ZNF91: variants seen among roughly 807,000 people sequenced by gnomAD.
The protein encoded by ZNF91 is zinc finger protein 91, also known as zinc finger protein 91 (HPF7, HTF10).
In ZNF91, 7 loss-of-function variants were observed where a neutral mutation model predicts 12.6. The ratio of observed to expected loss-of-function variants is 0.55; its 90% confidence interval spans 0.31 to 1.04. The LOEUF is 1.04. Ranked by LOEUF, ZNF91 falls within the 50% of genes least tolerant of loss-of-function variation. The pLI is 0.05. For synonymous variants in ZNF91, 453 were observed against 462.6 expected (o/e 0.98, Z 0.27); for missense variants, 1,217 against 1,385.4 (o/e 0.88, Z 1.93).
chr19:23,323,694 CTTT>C (rs1967769487), intron 1 of ZNF91, among the ~76,000 whole-genome samples: 5 of 124,372 alleles, frequency 4.0e-5, no homozygotes, highest in South Asian at 2.7e-4. Flanking sequence ...ACTTCTCCTT[CTTT>C]ATCCTCTCCT....
chr19:23,394,064 A>C (rs1267063679), intron 1 of ZNF91, among the ~76,000 whole-genome samples: 3 of 152,172 alleles, frequency 2.0e-5, no homozygotes, highest in East Asian at 1.9e-4. Flanking sequence ...ATAGTTGATA[A>C]AGTGAATTAG....
At chr19:23,375,630 C>G (rs980792567) in intron 1 of ZNF91, among the ~76,000 whole-genome samples, 3 of 151,908 alleles carry the variant, frequency 2.0e-5, no homozygotes, top group Non-Finnish European at 4.4e-5. Context: ...GTAAGTGGAA[C>G]AGCCTGTGTT....
rs1222621383 is a variant in ZNF91 at position 23,395,430 on chromosome 19, C to A, written c.-76G>T. 7 of 1,567,946 alleles carry A rather than the reference C, an allele frequency of 4.5e-6. No homozygotes were observed. The South Asian group carries it at 7.9e-5, about 18-fold the overall frequency. On this transcript the variant is annotated 5_prime_UTR_variant, in exon 1 of 4. Coordinates refer to ENST00000300619, the MANE Select transcript of ZNF91 (RefSeq NM_003430.4). ...GCCTCCTGGAGCAGAGGACACAGAG[C>A]AGTGAAGTCGAGACCTGGAAACTCC...
At chr19:23,363,296 CCT>C (rs1456408448) in intron 3 of ZNF91, among the ~76,000 whole-genome samples, 2 of 152,108 alleles carry the variant, frequency 1.3e-5, no homozygotes, top group African/African-American at 2.4e-5. Flanking sequence ...CACTGATTTC[CCT>C]CTCTCATGAC....
intron 1 of ZNF91, among the ~76,000 whole-genome samples, chr19:23,321,403 T>C (rs1967691606): frequency 6.6e-6 from 1 of 152,182 alleles, no homozygotes; most frequent in Non-Finnish European, 1.5e-5. Context: ...ACTTAGGCGA[T>C]GTGACTCTTC....
chr19:23,378,314 G>A (rs932842652), intron 1 of ZNF91, among the ~76,000 whole-genome samples: 1 of 152,110 alleles, frequency 6.6e-6, no homozygotes, highest in African/African-American at 2.4e-5. Context: ...AAAACTCCAG[G>A]GTAGGGCAAG....
intron 1 of ZNF91, among the ~76,000 whole-genome samples, chr19:23,379,217 G>A (rs530018233): frequency 1.3e-5 from 2 of 152,300 alleles, no homozygotes; most frequent in Admixed American, 1.3e-4. Context: ...AATAGGCAGA[G>A]ACACAATTCT....
At chr19:23,372,220 A>C (rs1046696128) in intron 3 of ZNF91, among the ~76,000 whole-genome samples, 4 of 151,576 alleles carry the variant, frequency 2.6e-5, no homozygotes, top group African/African-American at 9.7e-5. Flanking sequence ...GACATTAATA[A>C]GATAAAAAAA....
chr19:23,362,904 C>T (rs1373292556), intron 3 of ZNF91, among the ~76,000 whole-genome samples, 179 bp from the exon 4 acceptor site: 4 of 152,270 alleles, frequency 2.6e-5, no homozygotes, highest in Middle Eastern at 3.4e-3. Context: ...GACGGAGTCT[C>T]GCTCTGTCAC....
At chr19:23,385,770 TA>T (rs1198753860) in intron 1 of ZNF91, among the ~76,000 whole-genome samples, 8 of 152,350 alleles carry the variant, frequency 5.3e-5, no homozygotes, top group African/African-American at 1.9e-4. Context: ...TCTCCAGTGT[TA>T]AAACTTTTCT....
At position 23,362,741 on chromosome 19, in the gene ZNF91, T is replaced by A. The variant is rs761038136; in HGVS notation, c.254-16A>T. ...GGACATATACCTGAAAAAAAAAAAC[T>A]AAAAATAATAAATTACTCCACTCAC... On this transcript the variant is annotated splice_polypyrimidine_tract_variant and intron_variant, in intron 3 of 3. Transcript: ENST00000300619. 1.4e-6 allele frequency: 2 copies of A among 1,394,876 alleles called. No homozygotes were observed. Among genetic ancestry groups the A allele is most frequent in the Middle Eastern group, 1.9e-4 (1 of 5,244 alleles). The allele number at this position is 1,394,876 out of a possible 1,614,324, so 86.4% of individuals were successfully genotyped here.
In ZNF91 at chr19:23,359,745, G is replaced by A. The variant is rs762782472; in HGVS notation, c.3234C>T (p.Tyr1078=). The change falls in exon 4 of 4, where the codon TAC becomes TAT. Residue 1078 remains tyrosine, a synonymous_variant. Transcript: ENST00000300619. ...ATGCTTTGCCACATTCTTCACATTTGTAGGGTTTCTCTCTAGTATGAATTC... is the reference window on the plus strand; with the variant it reads ...ATGCTTTGCCACATTCTTCACATTTATAGGGTTTCTCTCTAGTATGAATTC... ...HKRIHTREKP[Y]KCEECGKAFS... The A allele has an allele frequency of 2.1e-5, 34 of 1,613,972 alleles. No individual in the cohort carries two copies. The highest frequency in any genetic ancestry group is 3.3e-5 in the South Asian group (3 of 91,088).
chr19:23,355,624 G>A (rs545840935), downstream of ZNF91, among the ~76,000 whole-genome samples: 10 of 152,278 alleles, frequency 6.6e-5, no homozygotes, highest in South Asian at 8.3e-4. Flanking sequence ...AAACTAAAGA[G>A]TTTTTGCATG....
chr19:23,322,344 A>G (rs1172756706), intron 1 of ZNF91, among the ~76,000 whole-genome samples: 1 of 152,096 alleles, frequency 6.6e-6, no homozygotes, highest in Non-Finnish European at 1.5e-5. Context: ...GTCTCTGACC[A>G]AAAAGGGATT....
chr19:23,353,340 A>T (rs1375549565), downstream of ZNF91, among the ~76,000 whole-genome samples: 1 of 152,208 alleles, frequency 6.6e-6, no homozygotes, highest in Non-Finnish European at 1.5e-5. Context: ...GAAATTAAAT[A>T]ATCTGCTCCT....
upstream of ZNF91, among the ~76,000 whole-genome samples, chr19:23,314,819 C>T (rs1463358126): frequency 6.6e-6 from 1 of 152,158 alleles, no homozygotes; most frequent in Admixed American, 6.5e-5. Flanking sequence ...AAAGAGATTG[C>T]AATTTATTGC....
At chr19:23,344,261 A>AT (rs1968176827) in intron 3 of ZNF91, among the ~76,000 whole-genome samples, 1 of 151,864 alleles carries the variant, frequency 6.6e-6, no homozygotes, top group Non-Finnish European at 1.5e-5. Flanking sequence ...TGCCTGGCTA[A>AT]TTTTTTATAT....
intron 1 of ZNF91, among the ~76,000 whole-genome samples, chr19:23,309,681 T>C (rs1967443233): frequency 6.6e-6 from 1 of 152,190 alleles, no homozygotes; most frequent in African/African-American, 2.4e-5. Context: ...GACTCTAATA[T>C]TTTGAACTGG....
rs747502884 is a variant in ZNF91, at chr19:23,361,240, C to T, written c.1739G>A (p.Gly580Asp). ...GKKLYKCEEC[G>D]KAFNHSSSLS... ...ACTTGAGGAATGATTAAAAGCTTTG[C>T]CACATTCTTCACATTTGTAGAGTTT... The change falls in exon 4 of 4, where the codon GGC becomes GAC. Residue 580 changes from glycine to aspartate, a missense_variant. Physicochemically the swap from Gly to Asp is moderately conservative, Grantham distance 94 (BLOSUM62 -1). Coordinates refer to ENST00000300619, the MANE Select transcript of ZNF91 (RefSeq NM_003430.4). The T allele has an allele frequency of 3.1e-6, 5 of 1,613,212 alleles. No homozygotes were observed. Among genetic ancestry groups the T allele is most frequent in the Non-Finnish European group, 4.2e-6 (5 of 1,179,768 alleles).
Sources: gnomAD v4.1 joint callset for allele counts (sites outside exome capture counted in the v4.1 genomes callset) on GRCh38, gnomAD v4.1.1 for gene constraint, MANE v1.5 for transcripts, NCBI Gene and HGNC (gene_info 2026-07-23, HGNC 2026-07-21) for gene names.